The following FSTL5 variants were observed in gnomAD, a reference collection of about 807,000 sequenced individuals.
The protein encoded by FSTL5 is follistatin-related protein 5.
In FSTL5, 62 loss-of-function variants were observed where a neutral mutation model predicts 89.1. That is an observed-to-expected ratio of 0.70 (90% CI 0.57 to 0.86). The LOEUF is 0.86. Ranked by LOEUF, FSTL5 falls within the 40% of genes least tolerant of loss-of-function variation. The probability of loss-of-function intolerance (pLI) is 0.00; values close to 1 mark genes in which losing one functional copy is unlikely to be tolerated. For synonymous variants in FSTL5, 383 were observed against 346.2 expected (o/e 1.11, Z -1.18); for missense variants, 1,057 against 1,001.6 (o/e 1.06, Z -0.75).
chr4:161,834,757 C>T (rs931635409), intron 4 of FSTL5, among the ~76,000 whole-genome samples: 2 of 152,022 alleles, frequency 1.3e-5, no homozygotes, highest in Admixed American at 6.6e-5. Flanking sequence ...ACGTGAAGGA[C>T]CTCTTCAAGG....
rs115303384 is a variant in FSTL5 at position 161,577,885 on chromosome 4, G to A, written c.1015+9570C>T. On this transcript the variant is annotated intron_variant, in intron 8 of 15. Transcript: ENST00000306100. ...ACTTAACTGAAAAAAGCAGACTAGG[G>A]AGACTTCATAAAACATCTCATACTG... 4.6e-3 allele frequency among the ~76,000 whole-genome samples: 696 copies of A among 152,156 alleles called. 3 individuals are homozygous for A. The highest frequency in any genetic ancestry group is 0.013 in the African/African-American group (558 of 41,514).
At chr4:162,074,150 C>T (rs1047117697) in intron 2 of FSTL5, among the ~76,000 whole-genome samples, 2 of 151,628 alleles carry the variant, frequency 1.3e-5, no homozygotes, top group African/African-American at 4.8e-5. Context: ...TAGTAATTCC[C>T]AGGACAGAAG....
Position 161,542,618 on chromosome 4 carries a change from G to T in FSTL5, c.1091C>A (p.Ala364Glu). 1 of 1,569,060 alleles carries T rather than the reference G, an allele frequency of 6.4e-7. No individual in the cohort carries two copies. Among genetic ancestry groups the T allele is most frequent in the Non-Finnish European group, 8.7e-7 (1 of 1,154,230 alleles). The stretch of plus-strand genomic sequence containing the variant: ...AAGCTGAGGCTTTGGTATGCCCTCT[G>T]CATGGCACCTAAGACTGGCAGTTAC... ...PGVTASLRCHAEGIPKPQLGW... is the reference protein window; with the variant it reads ...PGVTASLRCHEEGIPKPQLGW... The change falls in exon 9 of 16, where the codon GCA (alanine) becomes GAA (glutamate). Residue 364 changes from alanine (A) to glutamate (E), a missense_variant. Ala to Glu is a moderately radical substitution (Grantham distance 107). Coordinates refer to ENST00000306100, the MANE Select transcript of FSTL5 (RefSeq NM_020116.5).
intron 8 of FSTL5, among the ~76,000 whole-genome samples, chr4:161,569,090 T>G (rs996874811): frequency 1.1e-4 from 16 of 152,204 alleles, no homozygotes; most frequent in Non-Finnish European, 2.2e-4. Flanking sequence ...CTCAACCTCC[T>G]GGGCTCAAGC....
At chr4:162,133,054 T>A (rs1197110820) in intron 1 of FSTL5, among the ~76,000 whole-genome samples, 1 of 152,182 alleles carries the variant, frequency 6.6e-6, no homozygotes, top group Non-Finnish European at 1.5e-5. Flanking sequence ...GCCCTTCTCC[T>A]ACCTCACTCA....
At chr4:161,785,795 C>G (rs1263497700) in intron 4 of FSTL5, among the ~76,000 whole-genome samples, 1 of 152,084 alleles carries the variant, frequency 6.6e-6, no homozygotes, top group South Asian at 2.1e-4. Context: ...AGCTCTGGGA[C>G]TTTTGGCCAG....
chr4:162,102,066 CTTAA>C (rs1276068358), intron 2 of FSTL5, among the ~76,000 whole-genome samples: 1 of 152,042 alleles, frequency 6.6e-6, no homozygotes, highest in Non-Finnish European at 1.5e-5. Flanking sequence ...GCACAAAGTA[CTTAA>C]TTAATGCAGA....
At chr4:161,699,944 G>A (rs1026769290) in intron 6 of FSTL5, among the ~76,000 whole-genome samples, 1 of 152,088 alleles carries the variant, frequency 6.6e-6, no homozygotes, top group South Asian at 2.1e-4. Context: ...AATCATTACC[G>A]CTGGATTTCT....
chr4:161,418,853 T>C (rs910998118), intron 15 of FSTL5, among the ~76,000 whole-genome samples: 3 of 152,224 alleles, frequency 2.0e-5, no homozygotes, highest in African/African-American at 7.2e-5. Flanking sequence ...ACATAGTCTG[T>C]AATATCAAAT....
intron 4 of FSTL5, among the ~76,000 whole-genome samples, chr4:161,882,175 C>T (rs1281308986): frequency 6.6e-6 from 1 of 152,058 alleles, no homozygotes; most frequent in Non-Finnish European, 1.5e-5. Context: ...CTCTTTCCTC[C>T]TAGCCTCTGG....
chr4:161,604,332 C>T (rs527741435), intron 7 of FSTL5, among the ~76,000 whole-genome samples: 2 of 152,142 alleles, frequency 1.3e-5, no homozygotes, highest in East Asian at 3.9e-4. Context: ...GCAAGCACAT[C>T]ATTTAGGAAC....
intron 10 of FSTL5, among the ~76,000 whole-genome samples, chr4:161,516,751 ACACACAC>A (rs1560933690): frequency 6.9e-6 from 1 of 145,220 alleles, no homozygotes; most frequent in Non-Finnish European, 1.5e-5. Context: ...ACACACACAC[ACACACAC>A]AATTTTTTTT....
intron 4 of FSTL5, among the ~76,000 whole-genome samples, chr4:161,875,628 CAATA>C (rs924898779): frequency 3.9e-5 from 6 of 152,170 alleles, no homozygotes; most frequent in Admixed American, 3.9e-4. Context: ...TTTTCGTTTT[CAATA>C]AATCCCTGCT....
chr4:161,989,639 A>C (rs778786782), intron 3 of FSTL5, among the ~76,000 whole-genome samples: 18 of 152,120 alleles, frequency 1.2e-4, no homozygotes, highest in Non-Finnish European at 2.5e-4. Context: ...TCAGTCTCAA[A>C]ATGTTACATA....
chr4:161,407,914 C>T (rs909979468), intron 15 of FSTL5, among the ~76,000 whole-genome samples: 1 of 152,176 alleles, frequency 6.6e-6, no homozygotes, highest in Non-Finnish European at 1.5e-5. Flanking sequence ...TCCCGAGCAA[C>T]CAGAGTGGGT....
chr4:161,425,526 T>C (rs935721136), intron 15 of FSTL5, among the ~76,000 whole-genome samples: 1 of 152,206 alleles, frequency 6.6e-6, no homozygotes, highest in Non-Finnish European at 1.5e-5. Context: ...GTGTATCACA[T>C]TTTCATAGCT....
At chr4:161,808,822 A>G (rs901971769) in intron 4 of FSTL5, among the ~76,000 whole-genome samples, 3 of 152,230 alleles carry the variant, frequency 2.0e-5, no homozygotes, top group Admixed American at 2.0e-4. Flanking sequence ...AAATCACTTG[A>G]TTTAAAAAGT....
At chr4:161,552,189 T>C (rs1340798560) in intron 8 of FSTL5, among the ~76,000 whole-genome samples, 1 of 151,892 alleles carries the variant, frequency 6.6e-6, no homozygotes, top group East Asian at 1.9e-4. Flanking sequence ...TTTAGACTAA[T>C]CTGACTAATC....
At position 161,804,073 on chromosome 4, in the gene FSTL5, C is replaced by T. The variant is rs533739182; in HGVS notation, c.410-27999G>A. On this transcript the variant is annotated intron_variant, in intron 4 of 15. Transcript: ENST00000306100. Reference sequence around the variant, plus strand: ...CCTTAGCTCCTCTGTGGTTCTTACACGTGGCACATCTCAGAAACAGCATCT... The same window carrying T: ...CCTTAGCTCCTCTGTGGTTCTTACATGTGGCACATCTCAGAAACAGCATCT... Among the ~76,000 whole-genome samples the T allele has an allele frequency of 5.3e-5, 8 of 152,056 alleles. No homozygotes were observed. In the East Asian group the frequency reaches 7.7e-4, roughly 15 times the overall value.
Sources: gnomAD v4.1 joint callset for allele counts (sites outside exome capture counted in the v4.1 genomes callset) on GRCh38, gnomAD v4.1.1 for gene constraint, MANE v1.5 for transcripts, NCBI Gene and HGNC (gene_info 2026-07-23, HGNC 2026-07-21) for gene names.